The following MEAK7 variants were observed in gnomAD, a reference collection of about 807,000 sequenced individuals.
MEAK7 encodes MTOR associated protein MEAK7, also known as MTOR-associated protein MEAK7.
MEAK7 carries 68 observed loss-of-function variants against 40.5 expected under a neutral mutation model. The observed-to-expected ratio is 1.68, with a 90% CI of 1.38 to 2.06. MEAK7 has a LOEUF of 2.06. Among genes scored for constraint, MEAK7 ranks in the 30% most tolerant of loss-of-function variants. MEAK7 has a pLI of 0.00. For synonymous variants in MEAK7, 338 were observed against 231.9 expected, an observed-to-expected ratio of 1.46 and a Z score of -4.16; for missense variants, 918 against 580.5, an observed-to-expected ratio of 1.58 and a Z score of -5.98.
intron 5 of MEAK7, 58 bp downstream of exon 5, chr16:84,486,573 T>C: frequency 6.6e-7 from 1 of 1,526,610 alleles, no homozygotes; most frequent in Non-Finnish European, 8.8e-7. Flanking sequence ...TCTCCCTTTC[T>C]CCAGAGCTCT....
intron 5 of MEAK7, among the ~76,000 whole-genome samples, chr16:84,483,981 G>C (rs1173981625): frequency 1.3e-5 from 2 of 152,220 alleles, no homozygotes; most frequent in African/African-American, 4.8e-5. Flanking sequence ...AGCAGCCCCA[G>C]AGGCTTGAGG....
At chr16:84,488,417 C>T (rs559725655) in intron 4 of MEAK7, 51 of 132,422 alleles carry the variant, frequency 3.9e-4, no homozygotes, top group Non-Finnish European at 8.6e-4. Context: ...AAGTGATTTG[C>T]CACAAGGTTT....
rs113763598 is a variant in MEAK7 at position 84,489,156 on chromosome 16, G to C, written c.529+122C>G. The C allele has an allele frequency of 2.0e-5, 26 of 1,286,432 alleles. No homozygotes were observed. In the African/African-American group the frequency reaches 2.9e-4, roughly 14 times the overall value. The allele number at this position is 1,286,432 out of a possible 1,614,324, so 79.7% of individuals were successfully genotyped here. On this transcript the variant is annotated intron_variant, in intron 4 of 7. Coordinates refer to ENST00000343629, the MANE Select transcript of MEAK7 (RefSeq NM_020947.4). ...ATATGCCAACAAACTAGAAAACCTA[G>C]AAGAAGGTTCGAGGGCTCACGCATT...
At chr16:84,482,907 G>C (rs972108988) in intron 5 of MEAK7, among the ~76,000 whole-genome samples, 197 bp from the exon 6 acceptor site, 1 of 152,202 alleles carries the variant, frequency 6.6e-6, no homozygotes, top group Non-Finnish European at 1.5e-5. Context: ...AGGGATTAGA[G>C]GGACAGCTAA....
chr16:84,501,042 C>G (rs905207911), intron 1 of MEAK7, among the ~76,000 whole-genome samples: 2 of 147,474 alleles, frequency 1.4e-5, no homozygotes, highest in Non-Finnish European at 3.0e-5. Flanking sequence ...TCGCAGTGAG[C>G]CGAGACCACG....
intron 5 of MEAK7, among the ~76,000 whole-genome samples, chr16:84,485,663 C>CTACCTATCTATCTATCT (rs1357237005): frequency 2.3e-4 from 35 of 149,868 alleles, no homozygotes; most frequent in African/African-American, 3.2e-4. Flanking sequence ...TCCATCCATC[C>CTACCTATCTATCTATCT]ATCTATCTAC....
At chr16:84,484,916 TAAGTCTGC>T (rs1912900084) in intron 5 of MEAK7, among the ~76,000 whole-genome samples, 1 of 152,218 alleles carries the variant, frequency 6.6e-6, no homozygotes, top group Admixed American at 6.5e-5. Flanking sequence ...TCAGCAAGAT[TAAGTCTGC>T]TTGTTAATAA....
Position 84,478,980 on chromosome 16 carries a change from C to A in MEAK7, c.*933G>T, listed in dbSNP as rs1912268870. On this transcript the variant is annotated 3_prime_UTR_variant, in exon 8 of 8. Coordinates refer to ENST00000343629, the MANE Select transcript of MEAK7 (RefSeq NM_020947.4). ...AACTTAGGGTGCCCAATGTCCCTCA[C>A]CTTGAAGTTAGCAAGAGAACCACAA... The A allele has an allele frequency of 1.3e-5, 2 of 152,376 alleles. No individual in the cohort carries two copies. The highest frequency in any genetic ancestry group is 1.9e-4 in the East Asian group (1 of 5,184). 9.4% of individuals were successfully genotyped at this position (152,376 alleles called of 1,614,324 possible). A position where few individuals can be genotyped will look rare whatever the true frequency, so the allele number is the denominator to read the frequency against.
chr16:84,479,083 G>C lies in MEAK7; in HGVS notation c.*830C>G, dbSNP rs1238022936. 1 of 152,174 alleles carries C rather than the reference G, an allele frequency of 6.6e-6. No homozygotes were observed. The highest frequency in any genetic ancestry group is 6.6e-5 in the Admixed American group (1 of 15,260). 9.4% of individuals were successfully genotyped at this position (152,174 alleles called of 1,614,324 possible). On this transcript the variant is annotated 3_prime_UTR_variant, in exon 8 of 8. Transcript: ENST00000343629. The stretch of plus-strand genomic sequence containing the variant: ...CATTCATTTAAAAACAGCTGAGAGA[G>C]CTGGGTGTGGAACCTTATTACAAAT...
At position 84,480,547 on chromosome 16, in the gene MEAK7, G is replaced by A. The variant is rs1197423129; in HGVS notation, c.1239C>T (p.Asp413=). The A allele has an allele frequency of 1.9e-6, 3 of 1,611,856 alleles. No individual in the cohort carries two copies. Among genetic ancestry groups the A allele is most frequent in the East Asian group, 4.5e-5 (2 of 44,854 alleles). Residue 413 remains aspartate (D), a synonymous_variant, in exon 7 of 8, where the codon GAC becomes GAT. Transcript: ENST00000343629. ...FDKMEVWAVG[D]PSEEQLAKGN... Reference sequence around the variant, plus strand: ...CACTCACCAACTGCTCCTCTGAGGGGTCTCCAACCGCCCACACCTCCATCT... The same window carrying A: ...CACTCACCAACTGCTCCTCTGAGGGATCTCCAACCGCCCACACCTCCATCT...
In MEAK7 at chr16:84,483,702, T is replaced by TG. The variant is rs377198069; in HGVS notation, c.959-993dup. Among the ~76,000 whole-genome samples, 737 of 152,128 alleles carry TG rather than the reference T, an allele frequency of 4.8e-3. 9 individuals are homozygous for TG. Among genetic ancestry groups the TG allele is most frequent in the African/African-American group, 0.017 (700 of 41,506 alleles). ...CAAGGCTCCAATCTAGAAAGATCGC[T>TG]GGGGGGCCTCTGCCATCAGGGTCTG... is the stretch of plus-strand genomic sequence containing the variant. On this transcript the variant is annotated intron_variant, in intron 5 of 7. Coordinates refer to ENST00000343629, the MANE Select transcript of MEAK7 (RefSeq NM_020947.4).
At chr16:84,482,817 C>G (rs2150625440) in intron 5 of MEAK7, 107 bp from the exon 6 acceptor site, 1 of 1,507,438 alleles carries the variant, frequency 6.6e-7, no homozygotes, top group East Asian at 2.4e-5. Flanking sequence ...GGCCAAGACC[C>G]TTCTCACCCA....
rs1336922648 is a variant in MEAK7 at position 84,480,672 on chromosome 16, C to G, written c.1114G>C (p.Val372Leu). 5.0e-6 allele frequency: 8 copies of G among 1,613,816 alleles called. No individual in the cohort carries two copies. Among genetic ancestry groups the G allele is most frequent in the Admixed American group, 1.7e-5 (1 of 59,954 alleles). The change falls in exon 7 of 8, where the codon GTG (valine) becomes CTG (leucine). Residue 372 changes from valine (V) to leucine (L), a missense_variant. Val to Leu is a conservative substitution (Grantham distance 32, BLOSUM62 1). Transcript: ENST00000343629. ...TGTCCTTTCCCAAAATCAACATCCA[C>G]CCAAAGCCCAAAGTAATTGTGCTGC... ...GGQHNYFGLW[V>L]DVDFGKGHSR...
intron 4 of MEAK7, chr16:84,488,337 T>G (rs1913274367): frequency 6.6e-6 from 1 of 152,196 alleles, no homozygotes; most frequent in South Asian, 2.1e-4. Flanking sequence ...TAACCTATTT[T>G]CAAGCTGTAC....
intron 5 of MEAK7, among the ~76,000 whole-genome samples, chr16:84,485,523 C>A (rs978143905): frequency 6.6e-6 from 1 of 152,210 alleles, no homozygotes; most frequent in East Asian, 1.9e-4. Flanking sequence ...GGGTAAGATA[C>A]AGGATGTACC....
chr16:84,485,849 T>C (rs765059888), intron 5 of MEAK7, among the ~76,000 whole-genome samples: 12 of 152,170 alleles, frequency 7.9e-5, no homozygotes, highest in Non-Finnish European at 1.5e-4. Context: ...ACCCATCTAA[T>C]TTGTGTACTT....
At chr16:84,488,110 T>G (rs1913254273) in intron 4 of MEAK7, 1 of 152,194 alleles carries the variant, frequency 6.6e-6, no homozygotes, top group South Asian at 2.1e-4. Context: ...CATTTCTCAT[T>G]ACCTATATAT....
chr16:84,502,616 C>G (rs1341648249), intron 1 of MEAK7: 1 of 151,908 alleles, frequency 6.6e-6, no homozygotes, highest in South Asian at 2.1e-4. Context: ...AGCTTTCCAT[C>G]ATCAAGCCTA....
chr16:84,504,593 G>T lies in MEAK7; in HGVS notation c.-26+8C>A. 1.0e-6 allele frequency: 1 copy of T among 985,744 alleles called. No individual in the cohort carries two copies. The highest frequency in any genetic ancestry group is 1.2e-6 in the Non-Finnish European group (1 of 830,160). The allele number at this position is 985,744 out of a possible 1,614,324, so 61.1% of individuals were successfully genotyped here. On this transcript the variant is annotated splice_region_variant and intron_variant, in intron 1 of 7. Coordinates refer to ENST00000343629, the MANE Select transcript of MEAK7 (RefSeq NM_020947.4). ...CAGCTCACTGCGAACCTCAGCCCAGGTACCTACCCTGCCGGGCTTCCTGGT... is the reference window on the plus strand; with the variant it reads ...CAGCTCACTGCGAACCTCAGCCCAGTTACCTACCCTGCCGGGCTTCCTGGT...
Sources: gnomAD v4.1 joint callset for allele counts (sites outside exome capture counted in the v4.1 genomes callset) on GRCh38, gnomAD v4.1.1 for gene constraint, MANE v1.5 for transcripts, NCBI Gene and HGNC (gene_info 2026-07-23, HGNC 2026-07-21) for gene names.